Variants in TRDN observed in about 807,000 individuals in gnomAD.
TRDN encodes triadin in skeletal muscle.
TRDN carries 161 observed loss-of-function variants against 149.7 expected under a neutral mutation model. The ratio of observed to expected loss-of-function variants is 1.08; its 90% CI spans 0.95 to 1.23. The LOEUF is 1.23. Among genes scored for constraint, TRDN ranks in the 50% most tolerant of loss-of-function variants. TRDN has a pLI of 0.00. For synonymous variants in TRDN, 294 were observed against 250.5 expected, an observed-to-expected ratio of 1.17 and a Z score of -1.64; for missense variants, 896 against 823.5, an observed-to-expected ratio of 1.09 and a Z score of -1.08.
Position 123,368,661 on chromosome 6 carries a change from C to T in TRDN, c.1274-2479G>A, listed in dbSNP as rs561830613. Among the ~76,000 whole-genome samples the T allele has an allele frequency of 2.6e-5, 4 of 152,330 alleles. No individual in the cohort carries two copies. In the East Asian group the frequency reaches 7.7e-4, roughly 29 times the overall value. ...TCAATTCAGAAAACTAGAAACTCCA[C>T]TTCTCTGGCAATTTCCAACTATATT... On this transcript the variant is annotated intron_variant, in intron 19 of 40. Coordinates refer to ENST00000334268, the MANE Select transcript of TRDN (RefSeq NM_006073.4).
chr6:123,629,748 T>G (rs1156417824), intron 1 of TRDN, among the ~76,000 whole-genome samples: 1 of 152,118 alleles, frequency 6.6e-6, no homozygotes, highest in East Asian at 1.9e-4. Context: ...AAATTCTGTG[T>G]GTCTTTGACA....
intron 9 of TRDN, among the ~76,000 whole-genome samples, chr6:123,469,133 C>T (rs1490864721): frequency 2.0e-5 from 3 of 152,136 alleles, no homozygotes; most frequent in Admixed American, 2.0e-4. Context: ...AATAATATTA[C>T]TTATGTATTG....
At position 123,393,611 on chromosome 6, in the gene TRDN, T is replaced by C; in HGVS notation, c.1105+13A>G. 1 of 1,595,404 alleles carries C rather than the reference T, an allele frequency of 6.3e-7. No individual in the cohort carries two copies. The highest frequency in any genetic ancestry group is 8.5e-7 in the Non-Finnish European group (1 of 1,169,716). On this transcript the variant is annotated intron_variant, in intron 13 of 40. Coordinates refer to ENST00000334268, the MANE Select transcript of TRDN (RefSeq NM_006073.4). ...AAAAAAGGCAATGCTTTTTAAAGTG[T>C]TTTATTGCTTACCTTGTGCTGCAAT...
At chr6:123,362,570 C>T (rs1237035969) in intron 20 of TRDN, among the ~76,000 whole-genome samples, 1 of 152,098 alleles carries the variant, frequency 6.6e-6, no homozygotes, top group East Asian at 1.9e-4. Flanking sequence ...AACTCATTTA[C>T]ATAGCAAAAC....
chr6:123,449,031 C>T (rs1021146190), intron 10 of TRDN, among the ~76,000 whole-genome samples: 2 of 152,080 alleles, frequency 1.3e-5, no homozygotes, highest in African/African-American at 4.8e-5. Flanking sequence ...GAGAGTACTA[C>T]ATCAAGAGAA....
At chr6:123,363,325 G>A (rs1276996441) in intron 20 of TRDN, among the ~76,000 whole-genome samples, 3 of 152,114 alleles carry the variant, frequency 2.0e-5, no homozygotes, top group South Asian at 2.1e-4. Context: ...TTTCATGCAC[G>A]GCTGATTGTC....
intron 2 of TRDN, among the ~76,000 whole-genome samples, chr6:123,567,593 G>C (rs182928967): frequency 5.9e-5 from 9 of 152,050 alleles, no homozygotes; most frequent in Admixed American, 5.9e-4. Flanking sequence ...TAGCAGGCAG[G>C]TCACATGGAT....
At chr6:123,434,126 C>T (rs1002867417) in intron 12 of TRDN, 6 of 152,106 alleles carry the variant, frequency 3.9e-5, no homozygotes, top group African/African-American at 1.4e-4. Flanking sequence ...TTTGGGGGAA[C>T]TCAAAGATAG....
At chr6:123,499,719 A>AAAAAAAAAAAAAAAAAAAAATATAT in intron 8 of TRDN, among the ~76,000 whole-genome samples, 1 of 47,676 alleles carries the variant, frequency 2.1e-5, no homozygotes, top group Non-Finnish European at 4.5e-5. Flanking sequence ...AAAAAAAAAA[A>AAAAAAAAAAAAAAAAAAAAATATAT]ATATATATAT....
intron 1 of TRDN, among the ~76,000 whole-genome samples, chr6:123,587,672 C>T (rs1427340053): frequency 1.3e-5 from 2 of 151,894 alleles, no homozygotes; most frequent in Non-Finnish European, 2.9e-5. Context: ...GTTTATTTCA[C>T]CTGGGTGCAG....
At chr6:123,265,173 C>A in intron 33 of TRDN, 145 bp downstream of exon 33, 1 of 565,848 alleles carries the variant, frequency 1.8e-6, no homozygotes, top group Non-Finnish European at 2.8e-6. Context: ...CCTTTGTCAA[C>A]CAGACTCACT....
chr6:123,603,597 A>C (rs1010853570), intron 1 of TRDN, among the ~76,000 whole-genome samples: 2 of 152,122 alleles, frequency 1.3e-5, no homozygotes, highest in Non-Finnish European at 2.9e-5. Context: ...AGCACTTACT[A>C]TGTTCCAGAC....
intron 38 of TRDN, among the ~76,000 whole-genome samples, chr6:123,245,004 A>T (rs764107651): frequency 3.2e-4 from 48 of 152,222 alleles, no homozygotes; most frequent in Admixed American, 1.3e-4. Context: ...TAAGCTTCAT[A>T]AGCAAAGGAG....
intron 5 of TRDN, among the ~76,000 whole-genome samples, chr6:123,521,983 C>A (rs986034804): frequency 6.6e-6 from 1 of 152,128 alleles, no homozygotes; most frequent in Non-Finnish European, 1.5e-5. Context: ...AAAGTAGGTA[C>A]TGTGAATAAG....
intron 24 of TRDN, among the ~76,000 whole-genome samples, chr6:123,285,210 C>A (rs1482103736): frequency 6.6e-6 from 1 of 151,840 alleles, no homozygotes; most frequent in Non-Finnish European, 1.5e-5. Context: ...TCATATGGAA[C>A]CAGAAAAGAG....
chr6:123,350,011 T>G (rs112800304), intron 21 of TRDN: 1 of 985,326 alleles, frequency 1.0e-6, no homozygotes. Context: ...CATTTATGAA[T>G]TTTGAAACAT....
At chr6:123,425,978 A>G (rs1489866425) in intron 12 of TRDN, among the ~76,000 whole-genome samples, 1 of 152,114 alleles carries the variant, frequency 6.6e-6, no homozygotes, top group African/African-American at 2.4e-5. Context: ...GCTGAGAATG[A>G]CCTTAGAAAT....
intron 21 of TRDN, among the ~76,000 whole-genome samples, chr6:123,346,127 A>G (rs1780237522): frequency 1.3e-5 from 2 of 152,066 alleles, no homozygotes; most frequent in Admixed American, 1.3e-4. Flanking sequence ...GAGAGCTTTT[A>G]ACTTCGCACC....
intron 24 of TRDN, among the ~76,000 whole-genome samples, chr6:123,311,092 G>C (rs1428822505): frequency 6.6e-6 from 1 of 151,948 alleles, no homozygotes; most frequent in Non-Finnish European, 1.5e-5. Flanking sequence ...CGAAGACTGG[G>C]TAATTTTATA....
Sources: gnomAD v4.1 joint callset for allele counts (sites outside exome capture counted in the v4.1 genomes callset) on GRCh38, gnomAD v4.1.1 for gene constraint, MANE v1.5 for transcripts, NCBI Gene and HGNC (gene_info 2026-07-23, HGNC 2026-07-21) for gene names.